CEP152: variants seen among roughly 807,000 people sequenced by gnomAD.
CEP152 encodes centrosomal protein 152.
CEP152 carries 132 observed loss-of-function variants against 188.9 expected under a neutral mutation model. The ratio of observed to expected loss-of-function variants is 0.70; its 90% CI spans 0.61 to 0.81. The LOEUF (loss-of-function observed/expected upper bound fraction) is 0.81. Among genes scored for constraint, CEP152 ranks in the 30% least tolerant of loss-of-function variants. The pLI is 0.00. For missense variants in CEP152, 1,914 were observed against 1,969.8 expected, an observed-to-expected ratio of 0.97 and a Z score of 0.54; for synonymous variants, 649 against 666.6, an observed-to-expected ratio of 0.97 and a Z score of 0.41.
At chr15:48,761,445 A>G (rs1364331241) in intron 18 of CEP152, among the ~76,000 whole-genome samples, 1 of 152,214 alleles carries the variant, frequency 6.6e-6, no homozygotes, top group Non-Finnish European at 1.5e-5. Flanking sequence ...ATCAAAGTCC[A>G]AGGAACTCTT....
Position 48,768,933 on chromosome 15 carries a change from A to T in CEP152, c.1908+23T>A, listed in dbSNP as rs543900158. ...ATGAGGAAATAAAAATTCTCATAAA[A>T]TATAAAAAATATTTTTAATCACCTG... is the stretch of plus-strand genomic sequence containing the variant. On this transcript the variant is annotated intron_variant, in intron 14 of 26. Transcript: ENST00000380950. 43 of 1,422,466 alleles carry T rather than the reference A, an allele frequency of 3.0e-5. No homozygotes were observed. The East Asian group carries it at 1.1e-3, about 36-fold the overall frequency. The allele number at this position is 1,422,466 out of a possible 1,614,324, so 88.1% of individuals were successfully genotyped here. A position where few individuals can be genotyped will look rare whatever the true frequency, so the allele number is the denominator to read the frequency against.
chr15:48,784,828 CAT>C (rs1261965357), intron 9 of CEP152, among the ~76,000 whole-genome samples: 1 of 152,126 alleles, frequency 6.6e-6, no homozygotes, highest in East Asian at 1.9e-4. Context: ...TATGGGATTA[CAT>C]AAAATATAGA....
chr15:48,744,209 C>A (rs771342557), intron 24 of CEP152, 31 bp downstream of exon 24: 4 of 1,611,754 alleles, frequency 2.5e-6, no homozygotes, highest in South Asian at 1.1e-5. Context: ...AAGGCCCAAG[C>A]CATCCTTAAA....
chr15:48,795,560 G>A (rs1460149998), intron 6 of CEP152, among the ~76,000 whole-genome samples: 2 of 152,096 alleles, frequency 1.3e-5, no homozygotes, highest in Non-Finnish European at 2.9e-5. Flanking sequence ...TATGATAGGC[G>A]AGGATACTTA....
At chr15:48,768,878 G>T in intron 14 of CEP152, 78 bp downstream of exon 14, 2 of 1,137,828 alleles carry the variant, frequency 1.8e-6, no homozygotes, top group South Asian at 1.5e-5. Context: ...CTCTTTATTT[G>T]CAAAAACTCT....
chr15:48,805,438 G>GTTT, intron 2 of CEP152, 125 bp downstream of exon 2: 2 of 1,200,458 alleles, frequency 1.7e-6, no homozygotes, highest in Admixed American at 2.9e-5. Flanking sequence ...TTTTAGGGTT[G>GTTT]TTTTTTTTTT....
At chr15:48,739,844 G>A (rs969229025) in intron 26 of CEP152, among the ~76,000 whole-genome samples, 3 of 152,178 alleles carry the variant, frequency 2.0e-5, no homozygotes, top group Non-Finnish European at 4.4e-5. Context: ...AAAAGGATTT[G>A]CTTCTCTACT....
chr15:48,785,964 G>A (rs185439496), intron 9 of CEP152, among the ~76,000 whole-genome samples: 4 of 151,914 alleles, frequency 2.6e-5, no homozygotes, highest in Admixed American at 2.6e-4. Context: ...AGCTGAATCT[G>A]TGGGAGGGAA....
intron 5 of CEP152, among the ~76,000 whole-genome samples, chr15:48,796,390 C>T (rs1318730297): frequency 1.3e-5 from 2 of 151,678 alleles, no homozygotes; most frequent in Admixed American, 6.6e-5. Context: ...GTCTGCAATA[C>T]ATAATTTATA....
Position 48,798,034 on chromosome 15 carries a change from T to C in CEP152, c.105A>G (p.Thr35=), listed in dbSNP as rs1330172006. ...EREKELQQLL[T]DLPHDMLDDD... Reference sequence around the variant, plus strand: ...CATCCAGCATGTCATGGGGAAGGTCTGTGAGTAACTGCTGCAACTGAGTCA... The same window carrying C: ...CATCCAGCATGTCATGGGGAAGGTCCGTGAGTAACTGCTGCAACTGAGTCA... Residue 35 remains threonine (T), a synonymous_variant, in exon 3 of 27, where the codon ACA becomes ACG. Transcript: ENST00000380950. 20 of 1,613,974 alleles carry C rather than the reference T, an allele frequency of 1.2e-5. No individual in the cohort carries two copies. Among genetic ancestry groups the C allele is most frequent in the Non-Finnish European group, 1.5e-5 (18 of 1,179,882 alleles).
At position 48,748,598 on chromosome 15, in the gene CEP152, AC is replaced by A. The variant is rs1389389478; in HGVS notation, c.3478del (p.Val1160SerfsTer26). 6 of 1,486,706 alleles carry A rather than the reference AC, an allele frequency of 4.0e-6. No homozygotes were observed. Among genetic ancestry groups the A allele is most frequent in the Non-Finnish European group, 5.3e-6 (6 of 1,124,800 alleles). 92.1% of individuals were successfully genotyped at this position (1,486,706 alleles called of 1,614,324 possible). A position where few individuals can be genotyped will look rare whatever the true frequency, so the allele number is the denominator to read the frequency against. The part of the protein sequence containing the change: ...ATEAEADKKK[V>X]LEIKDLCCGH... ...ACAGCATAAATCCTTAATTTCAAGGACCTTTTTCTTATCTGCAAAAATTAAA... is the reference window on the plus strand; with the variant it reads ...ACAGCATAAATCCTTAATTTCAAGGACTTTTTCTTATCTGCAAAAATTAAA... On this transcript the variant is annotated frameshift_variant, in exon 22 of 27. Coordinates refer to ENST00000380950, the MANE Select transcript of CEP152 (RefSeq NM_001194998.2). LOFTEE classifies it high-confidence loss of function.
Position 48,756,638 on chromosome 15 carries a change from C to T in CEP152, c.2695-85G>A, listed in dbSNP as rs1894297148. On this transcript the variant is annotated intron_variant, in intron 19 of 26. Coordinates refer to ENST00000380950, the MANE Select transcript of CEP152 (RefSeq NM_001194998.2). The stretch of plus-strand genomic sequence containing the variant: ...AATTAAGGTAACTATTTTGGTTAAC[C>T]TCTGAAGCTAGGAAATGTAAAATCA... 4.1e-6 allele frequency: 5 copies of T among 1,224,598 alleles called. No individual in the cohort carries two copies. The Admixed American group carries it at 8.4e-5, about 21-fold the overall frequency. The allele number at this position is 1,224,598 out of a possible 1,614,324, so 75.9% of individuals were successfully genotyped here. A position where few individuals can be genotyped will look rare whatever the true frequency, so the allele number is the denominator to read the frequency against.
intron 12 of CEP152, among the ~76,000 whole-genome samples, chr15:48,775,011 A>G (rs1895799616): frequency 6.6e-6 from 1 of 152,146 alleles, no homozygotes; most frequent in Non-Finnish European, 1.5e-5. Flanking sequence ...AAAAACACAC[A>G]AAACCTTCAC....
intron 17 of CEP152, among the ~76,000 whole-genome samples, chr15:48,764,389 G>A (rs1055792727): frequency 1.3e-5 from 2 of 151,690 alleles, no homozygotes; most frequent in Non-Finnish European, 2.9e-5. Context: ...TCCTCCAATA[G>A]CTGTCTCTTT....
chr15:48,745,007 TTATAG>T lies in CEP152; in HGVS notation c.3635-20_3635-16del. ...ATTATTCTCTTCTATAACAGAAAGTTTATAGTATATTAGACAGTTAAAAATTTTTT... is the reference window on the plus strand; with the variant it reads ...ATTATTCTCTTCTATAACAGAAAGTTTATATTAGACAGTTAAAAATTTTTT... On this transcript the variant is annotated splice_polypyrimidine_tract_variant and intron_variant, in intron 22 of 26. Transcript: ENST00000380950. The T allele has an allele frequency of 6.4e-7, 1 of 1,568,554 alleles. No homozygotes were observed. The highest frequency in any genetic ancestry group is 8.7e-7 in the Non-Finnish European group (1 of 1,151,052).
intron 21 of CEP152, among the ~76,000 whole-genome samples, chr15:48,751,172 A>G (rs1272380474): frequency 1.3e-5 from 2 of 152,160 alleles, no homozygotes; most frequent in Non-Finnish European, 2.9e-5. Flanking sequence ...GAATTTATTA[A>G]TGTGTTTGTT....
At chr15:48,756,700 T>C (rs2140673757) in intron 19 of CEP152, 147 bp from the exon 20 acceptor site, 1 of 750,982 alleles carries the variant, frequency 1.3e-6, no homozygotes, top group Non-Finnish European at 2.1e-6. Context: ...TAAGACATTA[T>C]TCTAAAAACT....
chr15:48,752,593 CT>C lies in CEP152; in HGVS notation c.3346-125del, dbSNP rs1290746522. On this transcript the variant is annotated intron_variant, in intron 20 of 26. Transcript: ENST00000380950. ...CTGAAAAAAATCTTGCCTGAACTAT[CT>C]ATCGCCAATATTTTTCTTAGGGTGT... 2.1e-5 allele frequency: 31 copies of C among 1,449,112 alleles called. No homozygotes were observed. In the African/African-American group the frequency reaches 3.0e-4, roughly 14 times the overall value. 89.8% of individuals were successfully genotyped at this position (1,449,112 alleles called of 1,614,324 possible).
At position 48,808,005 on chromosome 15, in the gene CEP152, A is replaced by G. The variant is rs1898096084; in HGVS notation, c.-7-2349T>C. ...TCTAAAAATACCTGAAAAGACCAAA[A>G]TCTCCCCCACTGAAGAAGGTATAAG... On this transcript the variant is annotated intron_variant, in intron 1 of 26. Transcript: ENST00000380950. 2.6e-5 allele frequency among the ~76,000 whole-genome samples: 4 copies of G among 152,118 alleles called. No individual in the cohort carries two copies. The South Asian group carries it at 8.3e-4, about 31-fold the overall frequency.
Sources: gnomAD v4.1 joint callset for allele counts (sites outside exome capture counted in the v4.1 genomes callset) on GRCh38, gnomAD v4.1.1 for gene constraint, MANE v1.5 for transcripts, NCBI Gene and HGNC (gene_info 2026-07-23, HGNC 2026-07-21) for gene names.